The following CSTPP1 variants were observed in gnomAD, a reference collection of about 807,000 sequenced individuals.
The protein encoded by CSTPP1 is centriolar satellite-associated tubulin polyglutamylase complex regulator 1.
At chr11:47,109,688 G>A in the CSTPP1 span, among the ~76,000 whole-genome samples, 7 of 152,174 alleles carry the variant, frequency 4.6e-5, no homozygotes, top group Non-Finnish European at 1.5e-5. Flanking sequence ...GTAGTGAAAT[G>A]GGGCAGCCTG....
At chr11:47,029,462 A>G in the CSTPP1 span, among the ~76,000 whole-genome samples, 1 of 151,962 alleles carries the variant, frequency 6.6e-6, no homozygotes, top group African/African-American at 2.4e-5. Flanking sequence ...CAAAAAAATT[A>G]GCCGGGCATG....
the CSTPP1 span, among the ~76,000 whole-genome samples, chr11:47,079,311 G>A: frequency 3.1e-4 from 47 of 152,328 alleles, no homozygotes; most frequent in South Asian, 4.1e-4. Flanking sequence ...GAGCAGAAGA[G>A]AAGTGACATC....
At chr11:47,094,526 C>G in the CSTPP1 span, among the ~76,000 whole-genome samples, 1 of 151,728 alleles carries the variant, frequency 6.6e-6, no homozygotes. Context: ...TGTGGATATG[C>G]CTGTTATCTT....
At chr11:46,944,211 A>G in the CSTPP1 span, among the ~76,000 whole-genome samples, 3 of 150,528 alleles carry the variant, frequency 2.0e-5, no homozygotes, top group Non-Finnish European at 4.4e-5. Context: ...CCAGCTACTC[A>G]GGAGGTTGAG....
chr11:47,162,501 G>A, the CSTPP1 span, among the ~76,000 whole-genome samples: 3 of 152,166 alleles, frequency 2.0e-5, no homozygotes, highest in South Asian at 6.2e-4. Flanking sequence ...TAAAGACCGT[G>A]GCCATAAAGG....
the CSTPP1 span, among the ~76,000 whole-genome samples, chr11:47,064,452 C>T: frequency 1.3e-5 from 2 of 152,096 alleles, no homozygotes; most frequent in Non-Finnish European, 2.9e-5. Flanking sequence ...AGTTTTAGCT[C>T]ATAAATTTAG....
chr11:47,037,391 TA>T, the CSTPP1 span, among the ~76,000 whole-genome samples: 613 of 79,838 alleles, frequency 7.7e-3, 122 homozygotes, highest in South Asian at 0.031. Flanking sequence ...TTATTATTAT[TA>T]TTTTTTTTTT....
chr11:47,070,263 A>AGG, the CSTPP1 span, among the ~76,000 whole-genome samples: 89 of 152,098 alleles, frequency 5.9e-4, no homozygotes, highest in African/African-American at 2.0e-3. Flanking sequence ...GGATGGAGAG[A>AGG]GGGGGAGAGA....
chr11:46,948,176 A>C, the CSTPP1 span: 2 of 456,176 alleles, frequency 4.4e-6, no homozygotes. Context: ...TAAGTAGGCA[A>C]CACACAAAGA....
chr11:46,985,283 C>T, the CSTPP1 span, among the ~76,000 whole-genome samples: 1 of 152,244 alleles, frequency 6.6e-6, no homozygotes, highest in African/African-American at 2.4e-5. Flanking sequence ...CTCAGGTTGG[C>T]AGGTAAACTT....
chr11:47,122,091 A>AAAAAAAAAATATATAT, the CSTPP1 span, among the ~76,000 whole-genome samples: 2 of 31,834 alleles, frequency 6.3e-5, no homozygotes, highest in Non-Finnish European at 1.3e-4. Flanking sequence ...AAAAAAAAAA[A>AAAAAAAAAATATATAT]ATATATATAT....
chr11:46,954,825 G>A, the CSTPP1 span, among the ~76,000 whole-genome samples: 1 of 148,676 alleles, frequency 6.7e-6, no homozygotes, highest in Non-Finnish European at 1.5e-5. Context: ...TTGAGTACCA[G>A]TAAGTCTTTA....
At chr11:47,012,498 G>C in the CSTPP1 span, among the ~76,000 whole-genome samples, 1 of 151,968 alleles carries the variant, frequency 6.6e-6, no homozygotes, top group African/African-American at 2.4e-5. Flanking sequence ...GAAAGGAAGA[G>C]AAAAAAGATA....
chr11:47,069,906 G>T, the CSTPP1 span, among the ~76,000 whole-genome samples: 1 of 152,100 alleles, frequency 6.6e-6, no homozygotes, highest in South Asian at 2.1e-4. Flanking sequence ...TAGAGACGGG[G>T]GTTTCACCAT....
the CSTPP1 span, chr11:47,023,407 G>A: frequency 1.9e-5 from 3 of 154,450 alleles, no homozygotes; most frequent in South Asian, 4.1e-4. Context: ...GAGTATCCTG[G>A]GGACTGGAAG....
chr11:47,107,233 C>T, the CSTPP1 span, among the ~76,000 whole-genome samples: 3 of 152,338 alleles, frequency 2.0e-5, no homozygotes, highest in South Asian at 4.1e-4. Context: ...TTCCTTGAAT[C>T]AAAGGCTCTG....
the CSTPP1 span, chr11:47,157,838 G>C: frequency 1.9e-6 from 3 of 1,613,962 alleles, no homozygotes; most frequent in African/African-American, 1.3e-5. Flanking sequence ...ACTTGTCAAA[G>C]AGGCCCTCAG....
the CSTPP1 span, among the ~76,000 whole-genome samples, chr11:47,044,695 G>T: frequency 2.3e-3 from 343 of 152,232 alleles, 1 homozygote; most frequent in Non-Finnish European, 3.4e-3. Context: ...GGCTGAGGCA[G>T]GAGGATTGCT....
chr11:47,016,234 T>C, the CSTPP1 span, among the ~76,000 whole-genome samples: 1 of 152,080 alleles, frequency 6.6e-6, no homozygotes. Flanking sequence ...ACTTTCCTGC[T>C]AAAATCAGGA....
Sources: gnomAD v4.1 joint callset for allele counts (sites outside exome capture counted in the v4.1 genomes callset) on GRCh38, gnomAD v4.1.1 for gene constraint, MANE v1.5 for transcripts, NCBI Gene and HGNC (gene_info 2026-07-23, HGNC 2026-07-21) for gene names.